Variants in LHFPL3 observed in about 807,000 individuals in gnomAD.
LHFPL3 encodes the protein LHFPL tetraspan subfamily member 3 protein.
In LHFPL3, 5 loss-of-function variants were observed where a neutral mutation model predicts 19.3. That is an observed-to-expected ratio of 0.26 (90% CI 0.14 to 0.54). The LOEUF is 0.54. Among genes scored for constraint, LHFPL3 ranks in the 20% least tolerant of loss-of-function variants. The probability of loss-of-function intolerance (pLI) is 0.94; values close to 1 mark genes in which losing one functional copy is unlikely to be tolerated. For synonymous variants in LHFPL3, 133 were observed against 126.2 expected (o/e 1.05, Z -0.36); for missense variants, 249 against 307.4 (o/e 0.81, Z 1.42).
At chr7:104,355,503 T>G (rs1790255777) in intron 1 of LHFPL3, among the ~76,000 whole-genome samples, 1 of 152,184 alleles carries the variant, frequency 6.6e-6, no homozygotes, top group East Asian at 1.9e-4. Flanking sequence ...AGCAATCACA[T>G]TAGGACTTAG....
chr7:104,829,746 T>C (rs1790911023), intron 2 of LHFPL3, among the ~76,000 whole-genome samples: 2 of 151,972 alleles, frequency 1.3e-5, no homozygotes, highest in Admixed American at 6.5e-5. Context: ...GACATTTGGG[T>C]TGGTTCCAAG....
intron 1 of LHFPL3, among the ~76,000 whole-genome samples, chr7:104,371,689 C>A (rs942467919): frequency 6.6e-6 from 1 of 151,890 alleles, no homozygotes; most frequent in South Asian, 2.1e-4. Flanking sequence ...GTTATACATG[C>A]ATAATCAGTT....
chr7:104,666,476 T>C (rs7458699), intron 1 of LHFPL3, among the ~76,000 whole-genome samples: 58,139 of 145,818 alleles, frequency 0.4, 12,310 homozygotes, highest in East Asian at 0.63. Flanking sequence ...TGACCTTCAG[T>C]TCCATTGACG....
In LHFPL3 at chr7:104,812,758, C is replaced by T. The variant is rs181785881; in HGVS notation, c.682+75847C>T. ...AGCAGAGGTCACAATGAGCGAAGAT[C>T]GCACCACTGCACTCCAGCCTGGGTG... On this transcript the variant is annotated intron_variant, in intron 2 of 2. Coordinates refer to ENST00000424859, the MANE Select transcript of LHFPL3 (RefSeq NM_199000.3). Among the ~76,000 whole-genome samples the T allele has an allele frequency of 1.2e-3, 155 of 125,480 alleles. 1 individual carries two copies. The highest frequency in any genetic ancestry group is 4.4e-3 in the African/African-American group (142 of 32,294). The allele number at this position is 125,480 out of a possible 152,430, so 82.3% of individuals were successfully genotyped here.
intron 1 of LHFPL3, among the ~76,000 whole-genome samples, chr7:104,711,748 C>A (rs529831589): frequency 6.6e-6 from 1 of 152,250 alleles, no homozygotes. Context: ...GAGACAGAAC[C>A]ATGTCACAAG....
chr7:104,824,262 T>C (rs1467972383), intron 2 of LHFPL3, among the ~76,000 whole-genome samples: 1 of 21,146 alleles, frequency 4.7e-5, no homozygotes, highest in African/African-American at 1.8e-4. Flanking sequence ...TAATTATATA[T>C]ATTATATATT....
At chr7:104,516,168 A>G (rs1456852594) in intron 1 of LHFPL3, among the ~76,000 whole-genome samples, 2 of 152,098 alleles carry the variant, frequency 1.3e-5, no homozygotes, top group Admixed American at 6.6e-5. Flanking sequence ...GGGGAAACAA[A>G]CACATCCTTC....
chr7:104,635,401 G>A (rs1468459257), intron 1 of LHFPL3, among the ~76,000 whole-genome samples: 2 of 152,102 alleles, frequency 1.3e-5, no homozygotes, highest in African/African-American at 2.4e-5. Flanking sequence ...GAACATCAGG[G>A]AAAATGAGAG....
At chr7:104,363,425 A>G (rs943377351) in intron 1 of LHFPL3, among the ~76,000 whole-genome samples, 1 of 152,258 alleles carries the variant, frequency 6.6e-6, no homozygotes, top group Non-Finnish European at 1.5e-5. Flanking sequence ...CTGCTGCAGT[A>G]ACGGAGAATT....
intron 1 of LHFPL3, among the ~76,000 whole-genome samples, chr7:104,437,294 T>C (rs184562779): frequency 6.6e-6 from 1 of 152,344 alleles, no homozygotes; most frequent in East Asian, 1.9e-4. Flanking sequence ...TTAACTTCAT[T>C]GATGACTGAA....
chr7:104,547,229 C>T lies in LHFPL3; in HGVS notation c.446-189446C>T, dbSNP rs1211593792. 1.3e-4 allele frequency among the ~76,000 whole-genome samples: 2 copies of T among 15,960 alleles called. 1 individual carries two copies. Among genetic ancestry groups the T allele is most frequent in the Non-Finnish European group, 2.5e-4 (2 of 7,934 alleles). 10.5% of individuals were successfully genotyped at this position (15,960 alleles called of 152,430 possible). ...CCGCAGTCCGGCCTGGGCGACAGAG[C>T]GAGACTCCGTCTCAAAAAAAAAAAA... On this transcript the variant is annotated intron_variant, in intron 1 of 2. Transcript: ENST00000424859.
chr7:104,607,829 CA>C (rs902808682), intron 1 of LHFPL3, among the ~76,000 whole-genome samples: 1 of 151,932 alleles, frequency 6.6e-6, no homozygotes, highest in Non-Finnish European at 1.5e-5. Flanking sequence ...AACAAGTGGG[CA>C]AAAGATATGA....
At chr7:104,419,590 GA>G (rs1416335045) in intron 1 of LHFPL3, among the ~76,000 whole-genome samples, 1 of 152,166 alleles carries the variant, frequency 6.6e-6, no homozygotes. Flanking sequence ...TAGATCTGAG[GA>G]GGAAGATTAT....
intron 1 of LHFPL3, among the ~76,000 whole-genome samples, chr7:104,385,940 C>CAA (rs879642115): frequency 1.5e-5 from 2 of 136,464 alleles, no homozygotes; most frequent in Non-Finnish European, 3.2e-5. Context: ...AAAACATTGG[C>CAA]AAAAAAAAAA....
chr7:104,390,165 A>T (rs1212281610), intron 1 of LHFPL3, among the ~76,000 whole-genome samples: 2 of 150,308 alleles, frequency 1.3e-5, no homozygotes, highest in Non-Finnish European at 3.0e-5. Flanking sequence ...CAATAAAAAG[A>T]CTAACAACCC....
intron 1 of LHFPL3, among the ~76,000 whole-genome samples, chr7:104,718,237 A>T (rs1215184758): frequency 6.6e-6 from 1 of 152,192 alleles, no homozygotes; most frequent in Middle Eastern, 3.2e-3. Context: ...TTGTGCTTAT[A>T]GTTAATAATA....
chr7:104,698,688 G>A (rs757165242), intron 1 of LHFPL3, among the ~76,000 whole-genome samples: 34 of 152,128 alleles, frequency 2.2e-4, no homozygotes, highest in Non-Finnish European at 3.5e-4. Context: ...AGGTGAATGG[G>A]TAAAATACAT....
chr7:104,493,313 G>A (rs1793393886), intron 1 of LHFPL3, among the ~76,000 whole-genome samples: 1 of 151,400 alleles, frequency 6.6e-6, no homozygotes, highest in Admixed American at 6.6e-5. Flanking sequence ...CCCTACCCCA[G>A]GGAGTAGGGA....
intron 1 of LHFPL3, among the ~76,000 whole-genome samples, chr7:104,709,567 A>C (rs1793258300): frequency 6.6e-6 from 1 of 150,774 alleles, no homozygotes; most frequent in Admixed American, 6.7e-5. Flanking sequence ...ATAGATTAAC[A>C]GCATCCCAAG....
Sources: gnomAD v4.1 joint callset for allele counts (sites outside exome capture counted in the v4.1 genomes callset) on GRCh38, gnomAD v4.1.1 for gene constraint, MANE v1.5 for transcripts, NCBI Gene and HGNC (gene_info 2026-07-23, HGNC 2026-07-21) for gene names.